Variants in ZFYVE28 observed in about 807,000 individuals in gnomAD.
ZFYVE28 encodes zinc finger FYVE-type containing 28.
Under a neutral mutation model 82.1 loss-of-function variants are expected in ZFYVE28, and 40 were observed. That is an observed-to-expected ratio of 0.49 (90% CI 0.38 to 0.63). The LOEUF is 0.63. ZFYVE28 is among the 30% of genes least tolerant of loss of function. The probability of loss-of-function intolerance (pLI) is 0.00; values close to 1 mark genes in which losing one functional copy is unlikely to be tolerated. For synonymous variants in ZFYVE28, 612 were observed against 546.1 expected, an observed-to-expected ratio of 1.12 and a Z score of -1.68; for missense variants, 1,321 against 1,242.1, an observed-to-expected ratio of 1.06 and a Z score of -0.96.
intron 1 of ZFYVE28, chr4:2,406,651 T>C (rs1731953919): frequency 6.6e-6 from 1 of 152,376 alleles, no homozygotes; most frequent in Admixed American, 6.5e-5. Context: ...CGTGGACATC[T>C]CTCGTCAACA....
rs1254632596 is a variant in ZFYVE28 at position 2,305,356 on chromosome 4, A to T, written c.984T>A (p.Asp328Glu). Residue 328 changes from aspartate to glutamate, a missense_variant, in exon 8 of 13, where the codon GAT becomes GAA. Physicochemically the swap from Asp to Glu is conservative, Grantham distance 45. Transcript: ENST00000290974. Reference sequence around the variant, plus strand: ...ACTGCATGGAGCAGGCCAGCTCTGCATCCGGGTCTTTGGCCTTAGCTGAGA... The same window carrying T: ...ACTGCATGGAGCAGGCCAGCTCTGCTTCCGGGTCTTTGGCCTTAGCTGAGA... ...GPLSAKAKDP[D>E]AELACSMQYD... 6 of 1,612,774 alleles carry T rather than the reference A, an allele frequency of 3.7e-6. No homozygotes were observed. The highest frequency in any genetic ancestry group is 5.1e-6 in the Non-Finnish European group (6 of 1,179,768).
intron 1 of ZFYVE28, among the ~76,000 whole-genome samples, chr4:2,385,497 G>GAC (rs1729162354): frequency 6.6e-6 from 1 of 152,226 alleles, no homozygotes; most frequent in Admixed American, 6.5e-5. Flanking sequence ...TGGACTGTCA[G>GAC]CTGGGACCCT....
In ZFYVE28 at chr4:2,304,911, T is replaced by C. The variant is rs1716302225; in HGVS notation, c.1429A>G (p.Ser477Gly). ...CGCGAGTCCAGGCAGCTGCAGGAGC[T>C]GGTGCCCGCGAGGCTGGCCCCATCT... ...GTDGASLAGT[S>G]SCSCLDSRLH... The change falls in exon 8 of 13, where the codon AGC becomes GGC. Residue 477 changes from serine (S) to glycine (G), a missense_variant. Transcript: ENST00000290974. The C allele has an allele frequency of 6.2e-7, 1 of 1,612,566 alleles. No individual in the cohort carries two copies. Among genetic ancestry groups the C allele is most frequent in the Non-Finnish European group, 8.5e-7 (1 of 1,179,870 alleles).
At chr4:2,299,241 A>T (rs1715115347) in intron 8 of ZFYVE28, among the ~76,000 whole-genome samples, 1 of 152,094 alleles carries the variant, frequency 6.6e-6, no homozygotes, top group Non-Finnish European at 1.5e-5. Flanking sequence ...CTAACAGAAC[A>T]ACTGCCCAGG....
Position 2,354,062 on chromosome 4 carries a change from C to T in ZFYVE28, c.51G>A (p.Pro17=), listed in dbSNP as rs563903265. 11 of 1,563,412 alleles carry T rather than the reference C, an allele frequency of 7.0e-6. No homozygotes were observed. The highest frequency in any genetic ancestry group is 4.8e-5 in the East Asian group (2 of 41,452). The part of the protein sequence containing the change: ...KWLYKPKRSD[P]QLLARFYYAD... ...CATAGTAGAACCGGGCAAGCAGCTG[C>T]GGATCCGACCTCTGCAGGAGAGAGG... is the stretch of plus-strand genomic sequence containing the variant. Residue 17 remains proline, a synonymous_variant, in exon 2 of 13, where the codon CCG becomes CCA. Coordinates refer to ENST00000290974, the MANE Select transcript of ZFYVE28 (RefSeq NM_020972.3).
At chr4:2,346,341 C>CAA (rs533714412) in intron 2 of ZFYVE28, among the ~76,000 whole-genome samples, 106 of 98,046 alleles carry the variant, frequency 1.1e-3, no homozygotes, top group African/African-American at 2.9e-3. Context: ...GACTCCATCT[C>CAA]AAAAAAAAAA....
intron 1 of ZFYVE28, among the ~76,000 whole-genome samples, chr4:2,410,640 C>T (rs1218135483): frequency 6.6e-6 from 1 of 152,012 alleles, no homozygotes; most frequent in African/African-American, 2.4e-5. Flanking sequence ...GGACTACAGG[C>T]GCCCGCCACC....
intron 11 of ZFYVE28, 55 bp from the exon 12 acceptor site, chr4:2,271,469 C>T: frequency 2.5e-6 from 4 of 1,574,310 alleles, no homozygotes; most frequent in Non-Finnish European, 3.5e-6. Flanking sequence ...GTGGGCTGGG[C>T]CGGGACCCTC....
At chr4:2,370,561 G>A (rs1727431480) in intron 1 of ZFYVE28, among the ~76,000 whole-genome samples, 1 of 152,170 alleles carries the variant, frequency 6.6e-6, no homozygotes, top group Admixed American at 6.5e-5. Flanking sequence ...ACACCGGCAG[G>A]ACAGAGGTAG....
At chr4:2,369,882 C>T (rs1347493845) in intron 1 of ZFYVE28, among the ~76,000 whole-genome samples, 3 of 108,568 alleles carry the variant, frequency 2.8e-5, no homozygotes, top group South Asian at 3.0e-4. Context: ...GACAGAGTCT[C>T]GCTCTGTCAC....
chr4:2,288,160 C>T (rs956366883), intron 8 of ZFYVE28, among the ~76,000 whole-genome samples: 2 of 152,110 alleles, frequency 1.3e-5, no homozygotes, highest in African/African-American at 2.4e-5. Context: ...CTGGAGGAGG[C>T]GGCCTGGCCT....
rs533947525 is a variant in ZFYVE28 at position 2,352,083 on chromosome 4, G to T, written c.180+1850C>A. Among the ~76,000 whole-genome samples, 28 of 152,258 alleles carry T rather than the reference G, an allele frequency of 1.8e-4. No homozygotes were observed. In the East Asian group the frequency reaches 5.4e-3, roughly 29 times the overall value. On this transcript the variant is annotated intron_variant, in intron 2 of 12. Coordinates refer to ENST00000290974, the MANE Select transcript of ZFYVE28 (RefSeq NM_020972.3). ...AGCCCTCCATATATGTGGGTTTTGT[G>T]TCCTGAGAATACTGTATTTTAGATC...
chr4:2,353,325 C>T (rs1724756792), intron 2 of ZFYVE28, among the ~76,000 whole-genome samples: 1 of 152,212 alleles, frequency 6.6e-6, no homozygotes, highest in Non-Finnish European at 1.5e-5. Context: ...GTGTCAGGCC[C>T]CACCTCCCAT....
intron 1 of ZFYVE28, among the ~76,000 whole-genome samples, chr4:2,363,817 C>T (rs566391247): frequency 6.6e-6 from 1 of 152,248 alleles, no homozygotes; most frequent in South Asian, 2.1e-4. Context: ...CTTTGAAGTC[C>T]CCACCACCCC....
In ZFYVE28 at chr4:2,322,521, G is replaced by A. The variant is rs114120832; in HGVS notation, c.702-2250C>T. Among the ~76,000 whole-genome samples the A allele has an allele frequency of 8.8e-3, 1,339 of 152,336 alleles. 15 individuals are homozygous for A. Among genetic ancestry groups the A allele is most frequent in the African/African-American group, 0.03 (1,261 of 41,574 alleles). Reference sequence around the variant, plus strand: ...CTTGGCCCAGGTCCAGCTAAGGTGAGCAGGAGAGAGGACGCCCCGCACAGT... The same window carrying A: ...CTTGGCCCAGGTCCAGCTAAGGTGAACAGGAGAGAGGACGCCCCGCACAGT... On this transcript the variant is annotated intron_variant, in intron 6 of 12. Coordinates refer to ENST00000290974, the MANE Select transcript of ZFYVE28 (RefSeq NM_020972.3).
chr4:2,274,332 C>T (rs1475877033), intron 8 of ZFYVE28, 116 bp from the exon 9 acceptor site: 29 of 1,318,666 alleles, frequency 2.2e-5, no homozygotes, highest in Admixed American at 2.8e-5. Flanking sequence ...ACCCCACAGG[C>T]GTGTATCTGT....
intron 8 of ZFYVE28, among the ~76,000 whole-genome samples, chr4:2,298,137 T>A (rs1714931744): frequency 7.1e-6 from 1 of 141,216 alleles, no homozygotes; most frequent in South Asian, 2.3e-4. Flanking sequence ...CGGGCTGTGC[T>A]GGGAGGAATG....
chr4:2,346,749 C>T (rs1340480106), intron 2 of ZFYVE28, among the ~76,000 whole-genome samples: 1 of 151,834 alleles, frequency 6.6e-6, no homozygotes, highest in Non-Finnish European at 1.5e-5. Context: ...ACAAAGATTT[C>T]TGGCTAATGA....
At chr4:2,273,949 C>G in intron 9 of ZFYVE28, 113 bp downstream of exon 9, 1 of 1,250,522 alleles carries the variant, frequency 8.0e-7, no homozygotes, top group African/African-American at 1.5e-5. Context: ...GCAGAGTGGG[C>G]TGCTGTTTAC....
Sources: allele counts gnomAD v4.1 joint callset (sites outside exome capture counted in the v4.1 genomes callset), GRCh38; gene constraint gnomAD v4.1.1; transcripts MANE v1.5; gene names NCBI Gene and HGNC (gene_info 2026-07-23, HGNC 2026-07-21).